Variants in KRTCAP3 observed in about 807,000 individuals in gnomAD.
KRTCAP3 encodes the protein keratinocyte-associated protein 3.
Under a neutral mutation model 20.5 loss-of-function variants are expected in KRTCAP3, and 18 were observed. The observed-to-expected ratio is 0.88, with a 90% CI of 0.61 to 1.31. KRTCAP3 has a LOEUF of 1.31. Ranked by LOEUF, KRTCAP3 falls within the 50% of genes most tolerant of loss-of-function variation. The pLI, the probability that KRTCAP3 is intolerant of heterozygous loss-of-function variation, is 0.00. For synonymous variants in KRTCAP3, 167 were observed against 133.7 expected, an observed-to-expected ratio of 1.25 and a Z score of -1.72; for missense variants, 347 against 310.4, an observed-to-expected ratio of 1.12 and a Z score of -0.89.
chr2:27,445,792 T>C (rs750991615), downstream of KRTCAP3: 51 of 1,614,028 alleles, frequency 3.2e-5, no homozygotes, highest in Non-Finnish European at 4.3e-5. This position sits in a 1 kb window ranked among gnomAD's most constrained non-coding sequence, Gnocchi z 4.4. Flanking sequence ...GGAATGTCTG[T>C]ATCCTGAAAA....
downstream of KRTCAP3, chr2:27,446,447 A>C (rs1012346808): frequency 1.2e-5 from 13 of 1,099,944 alleles, no homozygotes; most frequent in Non-Finnish European, 1.6e-5. Context: ...GAACTAAAAA[A>C]CAACAATTAT....
At chr2:27,446,401 G>A (rs776771308), downstream of KRTCAP3, 1 of 1,533,620 alleles carries the variant, frequency 6.5e-7, no homozygotes, top group Non-Finnish European at 9.0e-7. Context: ...TAAAGTGACT[G>A]AGCTACCAGA....
downstream of KRTCAP3, chr2:27,445,715 C>G (rs923445222): frequency 6.2e-7 from 1 of 1,611,844 alleles, no homozygotes; most frequent in Admixed American, 1.7e-5. This position sits in a 1 kb window ranked among gnomAD's most constrained non-coding sequence, Gnocchi z 4.4. Flanking sequence ...ACTGGTGAGG[C>G]CTTCCGGTTT....
At chr2:27,445,827 G>T, downstream of KRTCAP3, 1 of 1,614,164 alleles carries the variant, frequency 6.2e-7, no homozygotes, top group Middle Eastern at 1.6e-4. This position sits in a 1 kb window ranked among gnomAD's most constrained non-coding sequence, Gnocchi z 4.4. Context: ...GCCATCTAGA[G>T]TCCCTTCCTC....
At chr2:27,445,938 G>T, downstream of KRTCAP3, 1 of 1,614,220 alleles carries the variant, frequency 6.2e-7, no homozygotes, top group Non-Finnish European at 8.5e-7. This position sits in a 1 kb window ranked among gnomAD's most constrained non-coding sequence, Gnocchi z 4.4. Context: ...CATCGGTCAG[G>T]TCCAAAAAGC....
At position 27,442,625 on chromosome 2, in the gene KRTCAP3, G is replaced by T; in HGVS notation, c.75G>T (p.Leu25=). ...PRRLMRVGLA[L]ILVGHVNLLL... ...GGCTGATGCGTGTGGGCCTCGCGCT[G>T]ATCTTGGTGGGCCACGTGAACCTGC... Residue 25 remains leucine (L), a synonymous_variant, in exon 2 of 7, where the codon CTG becomes CTT. Transcript: ENST00000288873. The T allele has an allele frequency of 6.4e-7, 1 of 1,571,498 alleles. No individual in the cohort carries two copies. The highest frequency in any genetic ancestry group is 8.6e-7 in the Non-Finnish European group (1 of 1,159,596).
chr2:27,442,789 G>GGGGCCGGGCTC, intron 2 of KRTCAP3, 26 bp downstream of exon 2: 1 of 1,611,230 alleles, frequency 6.2e-7, no homozygotes, highest in Admixed American at 1.7e-5. Context: ...GACCCGGGCG[G>GGGGCCGGGCTC]GGGCCGGGCT....
At chr2:27,444,948 CTTGT>C, downstream of KRTCAP3, 2 of 1,555,412 alleles carry the variant, frequency 1.3e-6, no homozygotes, top group Non-Finnish European at 1.8e-6. Context: ...TGCACCCAGA[CTTGT>C]TTTTTTTTCT....
At chr2:27,445,457 G>A, downstream of KRTCAP3, 1 of 1,607,490 alleles carries the variant, frequency 6.2e-7, no homozygotes, top group East Asian at 2.2e-5. The surrounding 1 kb of genome is among the most constrained non-coding windows in gnomAD (Gnocchi z 4.4). Context: ...CTCCTGGAAA[G>A]GACAAGAAGG....
Position 27,444,020 on chromosome 2 carries a change from T to C in KRTCAP3, c.687T>C (p.Asn229=), listed in dbSNP as rs1487531691. The change falls in exon 6 of 7, where the codon AAT becomes AAC. Residue 229 remains asparagine, a synonymous_variant. Transcript: ENST00000288873. Reference sequence around the variant, plus strand: ...AAAATGAGCAGCTACTGGATCAAAATCAAGAAATCCGGGCATCACAGAGAA... The same window carrying C: ...AAAATGAGCAGCTACTGGATCAAAACCAAGAAATCCGGGCATCACAGAGAA... The part of the protein sequence containing the change: ...RQENEQLLDQ[N]QEIRASQRSW... The C allele has an allele frequency of 1.9e-6, 3 of 1,613,762 alleles. No homozygotes were observed. Among genetic ancestry groups the C allele is most frequent in the Non-Finnish European group, 2.5e-6 (3 of 1,179,772 alleles).
chr2:27,444,394 A>G (rs1664841986), downstream of KRTCAP3: 10 of 1,322,088 alleles, frequency 7.6e-6, no homozygotes, highest in Non-Finnish European at 1.1e-5. Context: ...TAAAACTTTA[A>G]TGAGGGAGAG....
downstream of KRTCAP3, chr2:27,446,364 A>C: frequency 6.2e-7 from 1 of 1,613,818 alleles, no homozygotes; most frequent in African/African-American, 1.3e-5. Context: ...TCCTGGGATT[A>C]AAGTCAAAGC....
chr2:27,443,739 G>T (rs1664765980), intron 5 of KRTCAP3, among the ~76,000 whole-genome samples: 1 of 152,000 alleles, frequency 6.6e-6, no homozygotes, highest in African/African-American at 2.4e-5. Flanking sequence ...AATTAGGTGG[G>T]GTGGTGGGCG....
chr2:27,442,735 A>G lies in KRTCAP3; in HGVS notation c.185A>G (p.Asn62Ser), dbSNP rs562116073. 3.7e-6 allele frequency: 6 copies of G among 1,606,882 alleles called. No homozygotes were observed. The highest frequency in any genetic ancestry group is 1.3e-5 in the African/African-American group (1 of 74,698). ...GTCACGCCGGAGTACACCGTAGCCA[A>G]TGTCATCTCTGTCGGCTCGGGGCTG... Reference protein sequence around the residue: ...GAVTPEYTVANVISVGSGLLS... With the variant: ...GAVTPEYTVASVISVGSGLLS... The change falls in exon 2 of 7, where the codon AAT becomes AGT. Residue 62 changes from asparagine (N) to serine (S), a missense_variant. Asn to Ser is a conservative substitution (Grantham distance 46, BLOSUM62 1). Transcript: ENST00000288873.
downstream of KRTCAP3, among the ~76,000 whole-genome samples, chr2:27,444,799 C>T (rs894942839): frequency 6.6e-6 from 1 of 152,152 alleles, no homozygotes; most frequent in African/African-American, 2.4e-5. Context: ...AGGTGCACGC[C>T]ACCAGACCCG....
chr2:27,443,001 G>C, intron 3 of KRTCAP3, 73 bp from the exon 4 acceptor site: 1 of 1,570,770 alleles, frequency 6.4e-7, no homozygotes, highest in Non-Finnish European at 8.7e-7. Flanking sequence ...GAGCCTCAGA[G>C]AAACTGGGTG....
At chr2:27,442,977 T>C in intron 3 of KRTCAP3, 76 bp downstream of exon 3, 3 of 1,587,840 alleles carry the variant, frequency 1.9e-6, no homozygotes, top group Non-Finnish European at 2.6e-6. Flanking sequence ...GCTTGGTCTT[T>C]CAATAGATTG....
In KRTCAP3 at chr2:27,443,587, G is replaced by C. The variant is rs141462240; in HGVS notation, c.615+55G>C. On this transcript the variant is annotated intron_variant, in intron 5 of 6. Coordinates refer to ENST00000288873, the MANE Select transcript of KRTCAP3 (RefSeq NM_173853.4). ...CCACAGAGACTGGCTGTGTTGAAAA[G>C]ATGCTGACCGGCCGGGTGCGGAGGC... is the stretch of plus-strand genomic sequence containing the variant. 1.5e-4 allele frequency: 247 copies of C among 1,601,248 alleles called. No individual in the cohort carries two copies. In the African/African-American group the frequency reaches 3.0e-3, roughly 20 times the overall value.
downstream of KRTCAP3, chr2:27,445,095 A>T: frequency 6.2e-7 from 1 of 1,613,934 alleles, no homozygotes; most frequent in Non-Finnish European, 8.5e-7. The surrounding 1 kb of genome is among the most constrained non-coding windows in gnomAD (Gnocchi z 4.4). Flanking sequence ...TGTTCCTCAG[A>T]ATGGGGTATC....
Sources: gnomAD v4.1 joint callset for allele counts (sites outside exome capture counted in the v4.1 genomes callset) on GRCh38, gnomAD v4.1.1 for gene constraint, Gnocchi (gnomAD v3.1) non-coding constraint, MANE v1.5 for transcripts, NCBI Gene and HGNC (gene_info 2026-07-23, HGNC 2026-07-21) for gene names.